ATP2B2: variants seen among roughly 807,000 people sequenced by gnomAD.
ATP2B2 encodes plasma membrane calcium-transporting ATPase 2.
A neutral mutation model predicts 120.0 loss-of-function variants in ATP2B2; 15 were observed. That is an observed-to-expected ratio of 0.12 (90% CI 0.08 to 0.19). The LOEUF (loss-of-function observed/expected upper bound fraction) is 0.19. Among genes scored for constraint, ATP2B2 ranks in the 10% least tolerant of loss-of-function variants. The pLI, the probability that ATP2B2 is intolerant of heterozygous loss-of-function variation, is 1.00. For missense variants in ATP2B2, 1,045 were observed against 1,719.8 expected (o/e 0.61, Z 6.94); for synonymous variants, 694 against 700.3 (o/e 0.99, Z 0.14).
intron 2 of ATP2B2, among the ~76,000 whole-genome samples, chr3:10,534,896 TG>T (rs1374670810): frequency 1.4e-5 from 2 of 145,666 alleles, no homozygotes; most frequent in Non-Finnish European, 3.0e-5. Context: ...TTCATTTATT[TG>T]GTTTTTTTTT....
In ATP2B2 at chr3:10,688,997, G is replaced by A. The variant is rs571857538; in HGVS notation, c.-460+18918C>T. ...GGTGTGGGGGTGGGGAGGAGGGCAG[G>A]TCCATGACTAGTAGAGATCCTCTTT... On this transcript the variant is annotated intron_variant, in intron 1 of 21. Transcript: ENST00000646379. 3.3e-5 allele frequency among the ~76,000 whole-genome samples: 5 copies of A among 152,328 alleles called. No individual in the cohort carries two copies. The East Asian group carries it at 9.6e-4, about 29-fold the overall frequency.
intron 1 of ATP2B2, among the ~76,000 whole-genome samples, chr3:10,467,744 A>G (rs1191454654): frequency 6.6e-6 from 1 of 152,190 alleles, no homozygotes; most frequent in African/African-American, 2.4e-5. Flanking sequence ...ACGAGGTAAC[A>G]TTTTTGGCGG....
intron 16 of ATP2B2, among the ~76,000 whole-genome samples, chr3:10,348,518 C>A (rs2060490329): frequency 1.3e-5 from 2 of 152,338 alleles, no homozygotes; most frequent in South Asian, 4.1e-4. Context: ...CCCACCTGCT[C>A]CAGTCTCCTG....
rs56744119 is a variant in ATP2B2 at position 10,418,670 on chromosome 3, A to G, written c.200-7855T>C. On this transcript the variant is annotated intron_variant, in intron 2 of 22. Coordinates refer to ENST00000360273, the MANE Select transcript of ATP2B2 (RefSeq NM_001001331.4). ...TCGCCCCTGGTGAGAGCAGGAATAC[A>G]CTAACTGCCCTCTGAGGCTGGCTGA... is the stretch of plus-strand genomic sequence containing the variant. Among the ~76,000 whole-genome samples the G allele has an allele frequency of 8.8e-3, 1,345 of 152,276 alleles. 21 individuals carry two copies. The highest frequency in any genetic ancestry group is 0.03 in the African/African-American group (1,249 of 41,534).
At chr3:10,499,976 C>A (rs183161654) in intron 1 of ATP2B2, among the ~76,000 whole-genome samples, 2 of 145,108 alleles carry the variant, frequency 1.4e-5, no homozygotes, top group Admixed American at 1.4e-4. Flanking sequence ...CACTCTGTCA[C>A]CCAGGCTAGA....
intron 2 of ATP2B2, among the ~76,000 whole-genome samples, chr3:10,540,342 C>T (rs533940745): frequency 6.6e-6 from 1 of 152,234 alleles, no homozygotes; most frequent in Non-Finnish European, 1.5e-5. Flanking sequence ...CTAGAAATAC[C>T]ATTTGATTCC....
chr3:10,430,810 G>C (rs2063292142), intron 2 of ATP2B2, among the ~76,000 whole-genome samples: 1 of 150,900 alleles, frequency 6.6e-6, no homozygotes, highest in Non-Finnish European at 1.5e-5. Flanking sequence ...AGGCTTTTCT[G>C]ACATGCCTAT....
At chr3:10,447,060 T>C (rs1453236139) in intron 2 of ATP2B2, among the ~76,000 whole-genome samples, 2 of 152,216 alleles carry the variant, frequency 1.3e-5, no homozygotes, top group African/African-American at 4.8e-5. Flanking sequence ...TTCCCTGACC[T>C]TCACTGCCCA....
chr3:10,355,002 G>A (rs2060673976), intron 14 of ATP2B2, among the ~76,000 whole-genome samples: 1 of 152,162 alleles, frequency 6.6e-6, no homozygotes, highest in African/African-American at 2.4e-5. Flanking sequence ...CCTGAAGGTC[G>A]CCCCTAAAAT....
chr3:10,423,694 G>A (rs1228285293), intron 2 of ATP2B2, among the ~76,000 whole-genome samples: 4 of 152,158 alleles, frequency 2.6e-5, no homozygotes, highest in African/African-American at 4.8e-5. Flanking sequence ...AGGTGGGGAC[G>A]CTTTGCAGAG....
In ATP2B2 at chr3:10,589,947, G is replaced by T. The variant is rs149963302; in HGVS notation, c.-415+29970C>A. ...CCCACCCCTAGGCATTTACCCAAAA[G>T]AAACAAAAACTTATTTCAAACAAAA... On this transcript the variant is annotated intron_variant, in intron 2 of 21. Transcript: ENST00000646379. 2.6e-3 allele frequency among the ~76,000 whole-genome samples: 391 copies of T among 152,264 alleles called. 2 individuals are homozygous for T. In the Middle Eastern group the frequency reaches 0.031, roughly 12 times the overall value.
At chr3:10,394,367 C>T (rs2061959014) in intron 5 of ATP2B2, 1 of 462,024 alleles carries the variant, frequency 2.2e-6, no homozygotes, top group African/African-American at 2.0e-5. Flanking sequence ...TCACAACAGC[C>T]CCCTGAGGTA....
chr3:10,531,053 C>T (rs2067199335), intron 3 of ATP2B2, among the ~76,000 whole-genome samples: 1 of 152,158 alleles, frequency 6.6e-6, no homozygotes, highest in African/African-American at 2.4e-5. Flanking sequence ...GACAAGATTC[C>T]CTGATTCCCT....
chr3:10,454,858 C>T (rs1250729439), intron 1 of ATP2B2, among the ~76,000 whole-genome samples: 1 of 152,230 alleles, frequency 6.6e-6, no homozygotes, highest in East Asian at 1.9e-4. Flanking sequence ...TCCTGTTCAG[C>T]CTCAGTTTCC....
At chr3:10,442,044 C>T (rs923496255) in intron 2 of ATP2B2, among the ~76,000 whole-genome samples, 53 of 152,282 alleles carry the variant, frequency 3.5e-4, no homozygotes, top group Middle Eastern at 3.4e-3. Flanking sequence ...GGGCCCCCTT[C>T]CTCTCCAAGC....
At chr3:10,659,962 T>C (rs1308055493) in intron 1 of ATP2B2, among the ~76,000 whole-genome samples, 1 of 152,172 alleles carries the variant, frequency 6.6e-6, no homozygotes, top group African/African-American at 2.4e-5. Context: ...ACTGCTCAAC[T>C]ACATGGAAAC....
At chr3:10,433,674 T>A (rs532837552) in intron 2 of ATP2B2, among the ~76,000 whole-genome samples, 1 of 152,104 alleles carries the variant, frequency 6.6e-6, no homozygotes, top group Non-Finnish European at 1.5e-5. Context: ...GGAATGGACA[T>A]AGGGGATTTG....
intron 2 of ATP2B2, among the ~76,000 whole-genome samples, chr3:10,612,173 T>G (rs2069257328): frequency 6.6e-6 from 1 of 152,186 alleles, no homozygotes; most frequent in African/African-American, 2.4e-5. Context: ...ACACCTGTGC[T>G]ATGAAAGCTC....
upstream of ATP2B2, among the ~76,000 whole-genome samples, chr3:10,509,944 A>G (rs998468536): frequency 2.0e-5 from 3 of 152,122 alleles, no homozygotes; most frequent in South Asian, 2.1e-4. Flanking sequence ...GATAATACCT[A>G]TTTGGCGGGG....
Sources: allele counts gnomAD v4.1 joint callset (sites outside exome capture counted in the v4.1 genomes callset), GRCh38; gene constraint gnomAD v4.1.1; transcripts MANE v1.5; gene names NCBI Gene and HGNC (gene_info 2026-07-23, HGNC 2026-07-21).